Variants in NEDD4L observed in about 807,000 individuals in gnomAD.
NEDD4L encodes the protein E3 ubiquitin-protein ligase NEDD4-like.
NEDD4L carries 54 observed loss-of-function variants against 148.9 expected under a neutral mutation model. The observed-to-expected ratio is 0.36, with a 90% CI of 0.29 to 0.45. The LOEUF (loss-of-function observed/expected upper bound fraction) is 0.45, where lower values mean the gene tolerates loss of function less well. Among genes scored for constraint, NEDD4L ranks in the 20% least tolerant of loss-of-function variants. The probability of loss-of-function intolerance (pLI) is 1.00; values close to 1 mark genes in which losing one functional copy is unlikely to be tolerated. For missense variants in NEDD4L, 856 were observed against 1,233.8 expected (o/e 0.69, Z 4.59); for synonymous variants, 433 against 440.7 (o/e 0.98, Z 0.22).
intron 5 of NEDD4L, among the ~76,000 whole-genome samples, chr18:58,281,523 T>G (rs1480293621): frequency 6.6e-6 from 1 of 152,146 alleles, no homozygotes; most frequent in East Asian, 1.9e-4. Flanking sequence ...CTTTATGTTA[T>G]AAAGTCTCTT....
intron 1 of NEDD4L, among the ~76,000 whole-genome samples, chr18:58,094,080 G>A (rs1327750879): frequency 6.6e-6 from 1 of 152,030 alleles, no homozygotes; most frequent in Non-Finnish European, 1.5e-5. Context: ...GCAGAATAAA[G>A]GCCCAATTTC....
At chr18:58,143,317 C>G (rs1337963150) in intron 1 of NEDD4L, among the ~76,000 whole-genome samples, 2 of 152,156 alleles carry the variant, frequency 1.3e-5, no homozygotes, top group Non-Finnish European at 2.9e-5. Context: ...CATTGGAATC[C>G]ACCTCATTAG....
chr18:58,185,652 T>A (rs566637137), intron 2 of NEDD4L, among the ~76,000 whole-genome samples: 1 of 152,226 alleles, frequency 6.6e-6, no homozygotes, highest in East Asian at 1.9e-4. Context: ...GGCGGGTGGA[T>A]CACCTGAGGT....
At chr18:58,349,828 G>T (rs1220695083) in intron 17 of NEDD4L, among the ~76,000 whole-genome samples, 2 of 152,212 alleles carry the variant, frequency 1.3e-5, no homozygotes, top group African/African-American at 4.8e-5. Flanking sequence ...TTTCTGAATT[G>T]CTAGCTTCTA....
chr18:58,096,492 C>T (rs1433033441), intron 1 of NEDD4L, among the ~76,000 whole-genome samples: 2 of 151,998 alleles, frequency 1.3e-5, no homozygotes, highest in African/African-American at 4.8e-5. Flanking sequence ...CAACCTGCAC[C>T]TCCCAGATTC....
At chr18:58,226,961 G>C (rs2044431935) in intron 2 of NEDD4L, among the ~76,000 whole-genome samples, 1 of 152,014 alleles carries the variant, frequency 6.6e-6, no homozygotes, top group Non-Finnish European at 1.5e-5. Flanking sequence ...TTTTGTTAGA[G>C]TCTGCCTCTC....
At chr18:58,148,981 A>G (rs1223279699) in intron 1 of NEDD4L, among the ~76,000 whole-genome samples, 2 of 152,204 alleles carry the variant, frequency 1.3e-5, no homozygotes, top group African/African-American at 2.4e-5. Flanking sequence ...CTCCAGACCT[A>G]TGAGGAGCCT....
At chr18:58,245,783 T>A (rs71355689) in intron 3 of NEDD4L, among the ~76,000 whole-genome samples, 1 of 147,712 alleles carries the variant, frequency 6.8e-6, no homozygotes, top group Admixed American at 7.0e-5. Context: ...TGGGTTCAAG[T>A]GATTCTCCTG....
At chr18:58,049,413 C>T (rs1353660574) in intron 1 of NEDD4L, among the ~76,000 whole-genome samples, 4 of 152,142 alleles carry the variant, frequency 2.6e-5, no homozygotes, top group Non-Finnish European at 5.9e-5. Flanking sequence ...CTGTGCAAAA[C>T]GGTGAGGACA....
chr18:58,223,005 G>A (rs2043935727), intron 2 of NEDD4L, among the ~76,000 whole-genome samples: 1 of 150,028 alleles, frequency 6.7e-6, no homozygotes, highest in Admixed American at 6.7e-5. Flanking sequence ...TGACCAGGAA[G>A]AGAAAGAATG....
chr18:58,066,609 C>T (rs188852744), intron 1 of NEDD4L, among the ~76,000 whole-genome samples: 218 of 152,052 alleles, frequency 1.4e-3, no homozygotes, highest in Middle Eastern at 3.4e-3. Flanking sequence ...TGAGCCATCG[C>T]GCCCGGCCAA....
intron 1 of NEDD4L, among the ~76,000 whole-genome samples, chr18:58,150,281 C>G (rs1479131938): frequency 6.6e-6 from 1 of 152,194 alleles, no homozygotes; most frequent in East Asian, 1.9e-4. Context: ...GTTGCCTAGG[C>G]TGGAGTGCAA....
intron 1 of NEDD4L, 113 bp from the exon 2 acceptor site, chr18:58,165,675 G>T (rs2036760377): frequency 6.6e-7 from 1 of 1,525,756 alleles, no homozygotes; most frequent in Non-Finnish European, 8.9e-7. Flanking sequence ...GAATTGATTT[G>T]TTCTGTATCC....
chr18:58,226,513 T>C (rs923516088), intron 2 of NEDD4L, among the ~76,000 whole-genome samples: 10 of 152,210 alleles, frequency 6.6e-5, no homozygotes, highest in Non-Finnish European at 1.0e-4. Flanking sequence ...GGGACGAATG[T>C]GAACGCATAT....
chr18:58,365,824 A>G (rs1340100335), intron 20 of NEDD4L, among the ~76,000 whole-genome samples, 175 bp from the exon 21 acceptor site: 1 of 152,218 alleles, frequency 6.6e-6, no homozygotes, highest in East Asian at 1.9e-4. Context: ...TGACACAGCA[A>G]GGCTTTCTGT....
intron 1 of NEDD4L, among the ~76,000 whole-genome samples, chr18:58,129,349 G>C (rs2031672797): frequency 6.6e-6 from 1 of 152,224 alleles, no homozygotes; most frequent in Non-Finnish European, 1.5e-5. Context: ...TGTGTGGACT[G>C]TCCTGAAATT....
At chr18:58,213,588 A>T (rs911590121) in intron 2 of NEDD4L, among the ~76,000 whole-genome samples, 1 of 152,184 alleles carries the variant, frequency 6.6e-6, no homozygotes, top group Non-Finnish European at 1.5e-5. Flanking sequence ...GTGGAGGTTA[A>T]TGTGGAATGG....
chr18:58,158,727 C>T (rs1472466466), intron 1 of NEDD4L, among the ~76,000 whole-genome samples: 2 of 152,054 alleles, frequency 1.3e-5, no homozygotes, highest in Non-Finnish European at 2.9e-5. Flanking sequence ...GTGAGTAGTC[C>T]GTTGAGTTAG....
intron 13 of NEDD4L, among the ~76,000 whole-genome samples, chr18:58,336,509 AGAGGTTGTGGT>A (rs1332670881): frequency 6.6e-6 from 1 of 151,962 alleles, no homozygotes; most frequent in Admixed American, 6.6e-5. Flanking sequence ...CCCGGGAGGC[AGAGGTTGTGGT>A]GAGCTGAGAT....
Sources: gnomAD v4.1 joint callset for allele counts (sites outside exome capture counted in the v4.1 genomes callset) on GRCh38, gnomAD v4.1.1 for gene constraint, MANE v1.5 for transcripts, NCBI Gene and HGNC (gene_info 2026-07-23, HGNC 2026-07-21) for gene names.